Variants in MYH9 observed in about 807,000 individuals in gnomAD.
MYH9 encodes myosin-9.
Under a neutral mutation model 241.9 loss-of-function variants are expected in MYH9, and 29 were observed. That is an observed-to-expected ratio of 0.12 (90% CI 0.09 to 0.16). The LOEUF (loss-of-function observed/expected upper bound fraction) is 0.16, where lower values mean the gene tolerates loss of function less well. Among genes scored for constraint, MYH9 ranks in the 10% least tolerant of loss-of-function variants. The pLI is 1.00. For synonymous variants in MYH9, 1,047 were observed against 1,062.6 expected (o/e 0.99, Z 0.29); for missense variants, 1,803 against 2,595.5 (o/e 0.69, Z 6.63).
intron 11 of MYH9, 55 bp from the exon 12 acceptor site, chr22:36,316,724 C>A (rs1009938709): frequency 6.2e-7 from 1 of 1,606,610 alleles, no homozygotes; most frequent in African/African-American, 1.3e-5. Context: ...TGAAAACCCT[C>A]ATACCCTATG....
chr22:36,290,338 CAAAAAAAA>C (rs530199922), intron 31 of MYH9, among the ~76,000 whole-genome samples: 1 of 53,726 alleles, frequency 1.9e-5, no homozygotes, highest in African/African-American at 5.7e-5. Context: ...AGACAGTCTC[CAAAAAAAA>C]AAAAAAAAAA....
chr22:36,371,216 G>A (rs959876294), intron 1 of MYH9, among the ~76,000 whole-genome samples: 1 of 152,216 alleles, frequency 6.6e-6, no homozygotes, highest in Non-Finnish European at 1.5e-5. Context: ...ACCGCAGAAT[G>A]TGACTGGTAT....
chr22:36,295,639 C>T lies in MYH9; in HGVS notation c.3351G>A (p.Gln1117=), dbSNP rs1569535029. ...RELESQISEL[Q]EDLESERASR... is the part of the protein sequence containing the mutation. ...AAGCACGCTCAGACTCCAGGTCTTCCTGGAGTTCAGAGATCTGAGATTCCA... is the reference window on the plus strand; with the variant it reads ...AAGCACGCTCAGACTCCAGGTCTTCTTGGAGTTCAGAGATCTGAGATTCCA... Residue 1117 remains glutamine (Q), a synonymous_variant, in exon 26 of 41, where the codon CAG becomes CAA. Coordinates refer to ENST00000216181, the MANE Select transcript of MYH9 (RefSeq NM_002473.6). This position sits in a 1 kb window ranked among gnomAD's most constrained non-coding sequence, Gnocchi z 4.1. 6.2e-7 allele frequency: 1 copy of T among 1,613,938 alleles called. No homozygotes were observed. Among genetic ancestry groups the T allele is most frequent in the Non-Finnish European group, 8.5e-7 (1 of 1,180,014 alleles).
intron 38 of MYH9, 141 bp downstream of exon 38, chr22:36,284,980 G>A (rs762049460): frequency 7.0e-5 from 53 of 760,322 alleles, no homozygotes; most frequent in Non-Finnish European, 1.1e-4. Flanking sequence ...TGGAAGGGAT[G>A]AGGGCCCCAT....
At position 36,337,748 on chromosome 22, in the gene MYH9, T is replaced by C. The variant is rs928206474; in HGVS notation, c.490+3622A>G. On this transcript the variant is annotated intron_variant, in intron 3 of 40. Coordinates refer to ENST00000216181, the MANE Select transcript of MYH9 (RefSeq NM_002473.6). ...TTCCCTCAAAGCCAGGGGGGCAGCA[T>C]GCACTAAGACTTCACTCCAAAAGAC... is the stretch of plus-strand genomic sequence containing the variant. Among the ~76,000 whole-genome samples the C allele has an allele frequency of 3.3e-5, 5 of 152,330 alleles. No homozygotes were observed. The East Asian group carries it at 9.7e-4, about 29-fold the overall frequency.
rs773346405 is a variant in MYH9 at position 36,300,818 on chromosome 22, C to T, written c.2838+33G>A. 89 of 1,598,372 alleles carry T rather than the reference C, an allele frequency of 5.6e-5. No individual in the cohort carries two copies. The Admixed American group carries it at 1.3e-3, about 23-fold the overall frequency. On this transcript the variant is annotated intron_variant, in intron 22 of 40. Coordinates refer to ENST00000216181, the MANE Select transcript of MYH9 (RefSeq NM_002473.6). The surrounding 1 kb of genome is among the most constrained non-coding windows in gnomAD (Gnocchi z 5.0). Reference sequence around the variant, plus strand: ...CCTCCGCCCCGCCCTGCCCCTCCGGCGCCACCCCTCCCCGGGTGCAGCGGG... The same window carrying T: ...CCTCCGCCCCGCCCTGCCCCTCCGGTGCCACCCCTCCCCGGGTGCAGCGGG...
intron 1 of MYH9, among the ~76,000 whole-genome samples, chr22:36,371,338 C>T (rs780731667): frequency 3.9e-5 from 6 of 152,134 alleles, no homozygotes; most frequent in Non-Finnish European, 7.3e-5. Context: ...CAGGCGTGTG[C>T]GTGCACAGAG....
intron 1 of MYH9, among the ~76,000 whole-genome samples, chr22:36,379,232 G>A (rs555357495): frequency 6.6e-6 from 1 of 152,352 alleles, no homozygotes; most frequent in South Asian, 2.1e-4. Context: ...GAGAGGCCAG[G>A]CGTGGTGGCT....
intron 1 of MYH9, among the ~76,000 whole-genome samples, chr22:36,372,715 G>C (rs927242054): frequency 3.3e-5 from 5 of 152,050 alleles, no homozygotes; most frequent in African/African-American, 9.7e-5. Flanking sequence ...ACACACAAGG[G>C]CAGCGGTGGC....
chr22:36,307,178 T>C (rs2016983576), intron 15 of MYH9, among the ~76,000 whole-genome samples: 1 of 152,138 alleles, frequency 6.6e-6, no homozygotes. Flanking sequence ...AAGGGAGAGC[T>C]CCAAAGAACT....
intron 2 of MYH9, among the ~76,000 whole-genome samples, chr22:36,344,230 G>A (rs1044141936): frequency 1.3e-5 from 2 of 152,258 alleles, no homozygotes; most frequent in Admixed American, 6.5e-5. Flanking sequence ...CCCACGCGGC[G>A]CGGCCACGAC....
intron 1 of MYH9, among the ~76,000 whole-genome samples, chr22:36,351,485 C>T (rs1262650010): frequency 6.6e-6 from 1 of 152,188 alleles, no homozygotes; most frequent in African/African-American, 2.4e-5. Context: ...GCCTCCAGGG[C>T]ACCACCAGCT....
intron 1 of MYH9, among the ~76,000 whole-genome samples, chr22:36,384,647 T>A (rs1295505502): frequency 2.1e-5 from 2 of 95,810 alleles, no homozygotes; most frequent in African/African-American, 8.1e-5. Context: ...TATATATATA[T>A]ATATACAGCC....
intron 2 of MYH9, among the ~76,000 whole-genome samples, chr22:36,342,390 T>A (rs1449064520): frequency 6.6e-6 from 1 of 152,064 alleles, no homozygotes; most frequent in African/African-American, 2.4e-5. Flanking sequence ...GTTATGAGGA[T>A]TAAATGAAGC....
chr22:36,387,430 G>C lies in MYH9; in HGVS notation c.-20+377C>G, dbSNP rs192113999. Reference sequence around the variant, plus strand: ...CGCGGCTCCCGGAAGGGGTTAAAAAGTTTGCCCGAGTCGGGCCTGGGCGAG... The same window carrying C: ...CGCGGCTCCCGGAAGGGGTTAAAAACTTTGCCCGAGTCGGGCCTGGGCGAG... On this transcript the variant is annotated intron_variant, in intron 1 of 40. Coordinates refer to ENST00000216181, the MANE Select transcript of MYH9 (RefSeq NM_002473.6). 7.8e-3 allele frequency among the ~76,000 whole-genome samples: 1,194 copies of C among 152,264 alleles called. 65 individuals are homozygous for C. Among genetic ancestry groups the C allele is most frequent in the Admixed American group, 0.073 (1,117 of 15,306 alleles).
chr22:36,371,638 C>A (rs559422238), intron 1 of MYH9, among the ~76,000 whole-genome samples: 2 of 152,120 alleles, frequency 1.3e-5, no homozygotes, highest in African/African-American at 2.4e-5. Flanking sequence ...CAGGTTCATG[C>A]GATTCTTCCT....
Position 36,309,401 on chromosome 22 carries a change from C to A in MYH9, c.1729-5G>T. 6.2e-7 allele frequency: 1 copy of A among 1,612,638 alleles called. No homozygotes were observed. On this transcript the variant is annotated splice_region_variant and splice_polypyrimidine_tract_variant and intron_variant, in intron 14 of 40. Coordinates refer to ENST00000216181, the MANE Select transcript of MYH9 (RefSeq NM_002473.6). ...CTCGTCAGCTTTGTAATCCACCTGG[C>A]GGGGTCAGAGAGGCAGGAGTCACAA...
chr22:36,312,044 C>A lies in MYH9; in HGVS notation c.1728+5G>T, dbSNP rs2017072870. ...GGCCAGCACCTCCCCGTGAGCGCTC[C>A]TCACCTTGCCGGCATAGTGGATAAT... On this transcript the variant is annotated splice_donor_5th_base_variant and intron_variant, in intron 14 of 40. Transcript: ENST00000216181. 1.2e-6 allele frequency: 2 copies of A among 1,614,014 alleles called. No individual in the cohort carries two copies. Among genetic ancestry groups the A allele is most frequent in the East Asian group, 4.5e-5 (2 of 44,886 alleles).
At position 36,285,085 on chromosome 22, in the gene MYH9, G is replaced by T; in HGVS notation, c.5483+36C>A. 2 of 1,603,712 alleles carry T rather than the reference G, an allele frequency of 1.2e-6. No homozygotes were observed. Among genetic ancestry groups the T allele is most frequent in the Non-Finnish European group, 1.7e-6 (2 of 1,173,006 alleles). On this transcript the variant is annotated intron_variant, in intron 38 of 40. Transcript: ENST00000216181. The surrounding 1 kb of genome is among the most constrained non-coding windows in gnomAD (Gnocchi z 7.0). ...TGCAGGGGGGCCAGAGTTTTTTCCA[G>T]GACAGCTGGGGTTGGGCGGGGCCAG...
Sources: gnomAD v4.1 joint callset for allele counts (sites outside exome capture counted in the v4.1 genomes callset) on GRCh38, gnomAD v4.1.1 for gene constraint, Gnocchi (gnomAD v3.1) non-coding constraint, MANE v1.5 for transcripts, NCBI Gene and HGNC (gene_info 2026-07-23, HGNC 2026-07-21) for gene names.